The following CSNK1D variants were observed in gnomAD, a reference collection of about 807,000 sequenced individuals.
CSNK1D encodes the protein casein kinase 1 delta.
In CSNK1D, 16 loss-of-function variants were observed where a neutral mutation model predicts 46.6. The observed-to-expected ratio is 0.34, with a 90% CI of 0.23 to 0.52. CSNK1D has a LOEUF of 0.52. Ranked by LOEUF, CSNK1D falls within the 20% of genes least tolerant of loss-of-function variation. CSNK1D has a pLI of 0.95. For missense variants in CSNK1D, 398 were observed against 578.4 expected, an observed-to-expected ratio of 0.69 and a Z score of 3.20; for synonymous variants, 276 against 228.2, an observed-to-expected ratio of 1.21 and a Z score of -1.89.
At position 82,255,326 on chromosome 17, in the gene CSNK1D, C is replaced by G. The variant is rs1183531874; in HGVS notation, c.336+103G>C. 7.1e-7 allele frequency: 1 copy of G among 1,402,752 alleles called. No individual in the cohort carries two copies. The highest frequency in any genetic ancestry group is 1.0e-6 in the Non-Finnish European group (1 of 991,180). 86.9% of individuals were successfully genotyped at this position (1,402,752 alleles called of 1,614,324 possible). ...GCTGAGGCTCAGCAAATTTCCATTTCCTCTGTGAATTAATGGCCATAATAA... is the reference window on the plus strand; with the variant it reads ...GCTGAGGCTCAGCAAATTTCCATTTGCTCTGTGAATTAATGGCCATAATAA... On this transcript the variant is annotated intron_variant, in intron 3 of 8. Coordinates refer to ENST00000314028, the MANE Select transcript of CSNK1D (RefSeq NM_001893.6). The surrounding 1 kb of genome is among the most constrained non-coding windows in gnomAD (Gnocchi z 5.9).
In CSNK1D at chr17:82,243,525, C is replaced by T. The variant is rs932395894; in HGVS notation, c.*1256G>A. 20 of 985,362 alleles carry T rather than the reference C, an allele frequency of 2.0e-5. No homozygotes were observed. Among genetic ancestry groups the T allele is most frequent in the Non-Finnish European group, 1.9e-5 (16 of 829,972 alleles). The allele number at this position is 985,362 out of a possible 1,614,324, so 61.0% of individuals were successfully genotyped here. A position where few individuals can be genotyped will look rare whatever the true frequency, so the allele number is the denominator to read the frequency against. On this transcript the variant is annotated 3_prime_UTR_variant, in exon 9 of 9. Transcript: ENST00000314028. ...TTCTGGTGGGACTCGGCCCCACGCA[C>T]GCTGCTTCACTTCTGACCAACAGAC... is the stretch of plus-strand genomic sequence containing the variant.
At chr17:82,259,048 G>T (rs751988226) in intron 2 of CSNK1D, among the ~76,000 whole-genome samples, 14 of 152,220 alleles carry the variant, frequency 9.2e-5, no homozygotes, top group Admixed American at 2.0e-4. Context: ...GAACGTCATT[G>T]AATGTTAAGA....
intron 2 of CSNK1D, among the ~76,000 whole-genome samples, chr17:82,260,002 G>GTGACTGATGGTGTAC (rs1391961821): frequency 8.6e-5 from 13 of 150,844 alleles, no homozygotes; most frequent in Non-Finnish European, 7.4e-5. Context: ...ACTGAGTGAT[G>GTGACTGATGGTGTAC]TGACTGATGG....
At chr17:82,263,322 G>A (rs2051387264) in intron 2 of CSNK1D, among the ~76,000 whole-genome samples, 1 of 152,198 alleles carries the variant, frequency 6.6e-6, no homozygotes, top group Non-Finnish European at 1.5e-5. Context: ...AGCCCAAATG[G>A]GAGAAAAACC....
rs1049418306 is a variant in CSNK1D, at chr17:82,242,992, T to C, written c.*1789A>G. The stretch of plus-strand genomic sequence containing the variant: ...GGCCACAGCGCGACGTCTCTCCGGG[T>C]GGGGGACGTCTACCTTCAAGAAGGG... On this transcript the variant is annotated 3_prime_UTR_variant, in exon 9 of 9. Coordinates refer to ENST00000314028, the MANE Select transcript of CSNK1D (RefSeq NM_001893.6). 8 of 985,200 alleles carry C rather than the reference T, an allele frequency of 8.1e-6. No individual in the cohort carries two copies. In the African/African-American group the frequency reaches 1.4e-4, roughly 17 times the overall value. 61.0% of individuals were successfully genotyped at this position (985,200 alleles called of 1,614,324 possible). A position where few individuals can be genotyped will look rare whatever the true frequency, so the allele number is the denominator to read the frequency against.
downstream of CSNK1D, among the ~76,000 whole-genome samples, chr17:82,241,483 T>C (rs868643605): frequency 3.9e-5 from 6 of 152,152 alleles, no homozygotes; most frequent in Non-Finnish European, 8.8e-5. Flanking sequence ...CCCCCGCAGA[T>C]GAGATGGAAC....
Position 82,273,679 on chromosome 17 carries a change from G to A in CSNK1D, c.-298C>T, listed in dbSNP as rs901021262. 5 of 510,960 alleles carry A rather than the reference G, an allele frequency of 9.8e-6. No homozygotes were observed. Among genetic ancestry groups the A allele is most frequent in the Admixed American group, 8.2e-5 (2 of 24,408 alleles). The allele number at this position is 510,960 out of a possible 1,614,324, so 31.7% of individuals were successfully genotyped here. ...CTAAATCCCCTTTCAGCTGCCTAAA[G>A]GAGCCGCCGCCATCGCGCTGTGACG... On this transcript the variant is annotated 5_prime_UTR_variant, in exon 1 of 9. Transcript: ENST00000314028. This position sits in a 1 kb window ranked among gnomAD's most constrained non-coding sequence, Gnocchi z 5.1.
At chr17:82,247,944 C>T (rs1318488581) in intron 8 of CSNK1D, 6 of 985,368 alleles carry the variant, frequency 6.1e-6, no homozygotes, top group African/African-American at 1.7e-5. Context: ...GTGCTCCCCA[C>T]TCCGGCATGT....
chr17:82,258,403 C>T (rs529699626), intron 2 of CSNK1D, among the ~76,000 whole-genome samples: 4 of 151,806 alleles, frequency 2.6e-5, no homozygotes, highest in South Asian at 4.2e-4. Context: ...TTGCATTCTG[C>T]GTCACAGTCG....
In CSNK1D at chr17:82,251,240, G is replaced by A. The variant is rs1342589154; in HGVS notation, c.885+139C>T. ...CAGACACCCACTCAGTCCAGGTCCT[G>A]CCCACTACACACTTGCCCTTCACAA... On this transcript the variant is annotated intron_variant, in intron 6 of 8. Transcript: ENST00000314028. The surrounding 1 kb of genome is among the most constrained non-coding windows in gnomAD (Gnocchi z 4.5). 25 of 1,008,238 alleles carry A rather than the reference G, an allele frequency of 2.5e-5. No individual in the cohort carries two copies. The highest frequency in any genetic ancestry group is 4.0e-5 in the Admixed American group (2 of 50,236). The allele number at this position is 1,008,238 out of a possible 1,614,324, so 62.5% of individuals were successfully genotyped here.
Position 82,273,185 on chromosome 17 carries a change from C to A in CSNK1D, c.76+121G>T. 3 of 1,029,144 alleles carry A rather than the reference C, an allele frequency of 2.9e-6. No individual in the cohort carries two copies. Among genetic ancestry groups the A allele is most frequent in the Non-Finnish European group, 4.3e-6 (3 of 705,186 alleles). The allele number at this position is 1,029,144 out of a possible 1,614,324, so 63.8% of individuals were successfully genotyped here. ...CCGTTGGGTTCTGGCCACGATCCGG[C>A]GGTGCCGGGACTTGCGCGGAGACCC... On this transcript the variant is annotated intron_variant, in intron 1 of 8. Transcript: ENST00000314028. The surrounding 1 kb of genome is among the most constrained non-coding windows in gnomAD (Gnocchi z 5.1).
chr17:82,241,882 C>T (rs897315664), downstream of CSNK1D, among the ~76,000 whole-genome samples: 2 of 152,208 alleles, frequency 1.3e-5, no homozygotes, highest in African/African-American at 2.4e-5. Flanking sequence ...GCAGAGTTGG[C>T]GGGACAGCCC....
Position 82,273,018 on chromosome 17 carries a change from T to A in CSNK1D, c.76+288A>T. The A allele has an allele frequency of 4.1e-6, 1 of 242,608 alleles. No homozygotes were observed. Among genetic ancestry groups the A allele is most frequent in the Non-Finnish European group, 8.0e-6 (1 of 125,376 alleles). 15.0% of individuals were successfully genotyped at this position (242,608 alleles called of 1,614,324 possible). A position where few individuals can be genotyped will look rare whatever the true frequency, so the allele number is the denominator to read the frequency against. Reference sequence around the variant, plus strand: ...ACCCAGGTCGGCTCCCCAGAGACCATGCCCCACCCCGGGTCAGCTCCCCTA... The same window carrying A: ...ACCCAGGTCGGCTCCCCAGAGACCAAGCCCCACCCCGGGTCAGCTCCCCTA... On this transcript the variant is annotated intron_variant, in intron 1 of 8. Coordinates refer to ENST00000314028, the MANE Select transcript of CSNK1D (RefSeq NM_001893.6). The surrounding 1 kb of genome is among the most constrained non-coding windows in gnomAD (Gnocchi z 5.1).
intron 1 of CSNK1D, among the ~76,000 whole-genome samples, chr17:82,268,103 G>GC (rs1011847446): frequency 2.6e-5 from 4 of 152,192 alleles, no homozygotes; most frequent in Non-Finnish European, 5.9e-5. Context: ...CACCAAGGTC[G>GC]CCCCGAGTCT....
downstream of CSNK1D, chr17:82,239,489 T>G: frequency 5.9e-6 from 1 of 169,028 alleles, no homozygotes; most frequent in Non-Finnish European, 1.3e-5. Flanking sequence ...ACCAACGGTT[T>G]CCTAGGAGTA....
Position 82,252,402 on chromosome 17 carries a change from G to A in CSNK1D, c.736+32C>T. ...GACACATATGCAACCCCTGTGAGCA[G>A]CTCCGCTGAGAAGAGGCCTCCAGAG... is the stretch of plus-strand genomic sequence containing the variant. On this transcript the variant is annotated intron_variant, in intron 5 of 8. Transcript: ENST00000314028. The surrounding 1 kb of genome is among the most constrained non-coding windows in gnomAD (Gnocchi z 4.6). 3 of 1,613,246 alleles carry A rather than the reference G, an allele frequency of 1.9e-6. No individual in the cohort carries two copies. The highest frequency in any genetic ancestry group is 2.5e-6 in the Non-Finnish European group (3 of 1,179,322).
Position 82,244,782 on chromosome 17 carries a change from C to A in CSNK1D, c.1247G>T (p.Ter416LeuextTer7), listed in dbSNP as rs774136610. 2 of 1,614,030 alleles carry A rather than the reference C, an allele frequency of 1.2e-6. No homozygotes were observed. The highest frequency in any genetic ancestry group is 1.7e-6 in the Non-Finnish European group (2 of 1,180,028). ...CCTTCACAGCAATAAGGAGAGTTCT[C>A]ATCGGTGCACGACAGACTGAAGACC... is the stretch of plus-strand genomic sequence containing the variant. ...SSGLQSVVHR[*>L] The change falls in exon 9 of 9, where the codon TGA (stop) becomes TTA (leucine). Residue 416 changes from the stop codon to leucine, a stop_lost. Coordinates refer to ENST00000314028, the MANE Select transcript of CSNK1D (RefSeq NM_001893.6).
rs2050917366 is a variant in CSNK1D, at chr17:82,248,792, AAGCC to A, written c.1197+79_1197+82del. 1 of 1,545,694 alleles carries A rather than the reference AAGCC, an allele frequency of 6.5e-7. No homozygotes were observed. Among genetic ancestry groups the A allele is most frequent in the Non-Finnish European group, 8.7e-7 (1 of 1,146,472 alleles). Reference sequence around the variant, plus strand: ...AAATGGGGGGAAGAAAGGAAAGAAGAAGCCCTGGAGAAACCACAGCCCGCTCTTG... The same window carrying A: ...AAATGGGGGGAAGAAAGGAAAGAAGACTGGAGAAACCACAGCCCGCTCTTG... On this transcript the variant is annotated intron_variant, in intron 8 of 8. Transcript: ENST00000314028. The surrounding 1 kb of genome is among the most constrained non-coding windows in gnomAD (Gnocchi z 4.1).
rs192101463 is a variant in CSNK1D at position 82,257,417 on chromosome 17, G to A, written c.188-1840C>T. 8.7e-4 allele frequency among the ~76,000 whole-genome samples: 132 copies of A among 152,112 alleles called. 2 individuals are homozygous for A. The highest frequency in any genetic ancestry group is 6.6e-4 in the Non-Finnish European group (45 of 67,996). On this transcript the variant is annotated intron_variant, in intron 2 of 8. Transcript: ENST00000314028. ...TAAAAAAATAGTTTCTGCCCTCAGCGTCAAAAAGAGATGCTATTGTTTTTT... is the reference window on the plus strand; with the variant it reads ...TAAAAAAATAGTTTCTGCCCTCAGCATCAAAAAGAGATGCTATTGTTTTTT...
Sources: gnomAD v4.1 joint callset for allele counts (sites outside exome capture counted in the v4.1 genomes callset) on GRCh38, gnomAD v4.1.1 for gene constraint, Gnocchi (gnomAD v3.1) non-coding constraint, MANE v1.5 for transcripts, NCBI Gene and HGNC (gene_info 2026-07-23, HGNC 2026-07-21) for gene names.